The following RBM47 variants were observed in gnomAD, a reference collection of about 807,000 sequenced individuals.
RBM47 encodes RNA binding motif protein 47.
In RBM47, 21 loss-of-function variants were observed where a neutral mutation model predicts 47.1. The observed-to-expected ratio is 0.45, with a 90% CI of 0.32 to 0.64. The LOEUF is 0.64. Ranked by LOEUF, RBM47 falls within the 30% of genes least tolerant of loss-of-function variation. RBM47 has a pLI of 0.05. For synonymous variants in RBM47, 375 were observed against 361.7 expected, an observed-to-expected ratio of 1.04 and a Z score of -0.42; for missense variants, 708 against 870.9, an observed-to-expected ratio of 0.81 and a Z score of 2.35.
chr4:40,570,463 G>A (rs1731599718), intron 1 of RBM47, among the ~76,000 whole-genome samples: 2 of 151,844 alleles, frequency 1.3e-5, no homozygotes, highest in Admixed American at 6.6e-5. Context: ...ATCTAATGCT[G>A]CCACTGATCT....
At chr4:40,559,327 A>G (rs1294812072) in intron 1 of RBM47, among the ~76,000 whole-genome samples, 1 of 152,240 alleles carries the variant, frequency 6.6e-6, no homozygotes, top group Non-Finnish European at 1.5e-5. Context: ...ATTACAGGTG[A>G]CAAACACAGA....
chr4:40,430,232 A>AC (rs1386628370), intron 6 of RBM47, among the ~76,000 whole-genome samples: 7 of 119,020 alleles, frequency 5.9e-5, no homozygotes, highest in African/African-American at 1.7e-4. Flanking sequence ...AAACAAACAA[A>AC]AAAAGACAAA....
chr4:40,552,455 C>A (rs1368596819), intron 1 of RBM47, among the ~76,000 whole-genome samples: 1 of 152,008 alleles, frequency 6.6e-6, no homozygotes, highest in African/African-American at 2.4e-5. Context: ...AAAATGGGCT[C>A]TGTATTTCAA....
intron 1 of RBM47, among the ~76,000 whole-genome samples, chr4:40,557,475 G>A (rs1022812157): frequency 3.9e-5 from 6 of 152,142 alleles, no homozygotes; most frequent in African/African-American, 7.2e-5. Context: ...TTGGCTGGGC[G>A]CAGTGGCTCA....
chr4:40,492,912 C>G (rs947569422), intron 2 of RBM47, among the ~76,000 whole-genome samples: 1 of 152,148 alleles, frequency 6.6e-6, no homozygotes, highest in Admixed American at 6.5e-5. Flanking sequence ...CAGCAACTCC[C>G]CTGCATCTTC....
intron 3 of RBM47, among the ~76,000 whole-genome samples, chr4:40,452,621 C>G (rs757497042): frequency 6.6e-6 from 1 of 152,000 alleles, no homozygotes; most frequent in African/African-American, 2.4e-5. Context: ...CTTAGTCTAG[C>G]GTCCGCCAGG....
chr4:40,524,520 G>A (rs796596892), intron 2 of RBM47, among the ~76,000 whole-genome samples: 8 of 152,288 alleles, frequency 5.3e-5, no homozygotes, highest in Non-Finnish European at 7.3e-5. Context: ...CACAGCAACC[G>A]TGAAAACCAA....
chr4:40,431,623 G>A (rs4861001), intron 6 of RBM47, among the ~76,000 whole-genome samples: 102,806 of 149,270 alleles, frequency 0.69, 35,679 homozygotes, highest in East Asian at 0.9. Flanking sequence ...GCGCCACTGC[G>A]CTCCAGCCTG....
intron 5 of RBM47, among the ~76,000 whole-genome samples, chr4:40,436,130 C>G (rs936945051): frequency 6.6e-6 from 1 of 150,666 alleles, no homozygotes; most frequent in Middle Eastern, 3.2e-3. Context: ...CAAGATCATG[C>G]CACTGCACTC....
Position 40,578,813 on chromosome 4 carries a change from T to A in RBM47, c.-239-34307A>T, listed in dbSNP as rs188376050. Among the ~76,000 whole-genome samples, 261 of 152,302 alleles carry A rather than the reference T, an allele frequency of 1.7e-3. 2 individuals carry two copies. The highest frequency in any genetic ancestry group is 6.0e-3 in the African/African-American group (248 of 41,564). Reference sequence around the variant, plus strand: ...GTGCTTGGCACAATGCTACACACAGTAGGTGCTCAAAATGTGATAGCAAGC... The same window carrying A: ...GTGCTTGGCACAATGCTACACACAGAAGGTGCTCAAAATGTGATAGCAAGC... On this transcript the variant is annotated intron_variant, in intron 1 of 6. Coordinates refer to ENST00000295971, the MANE Select transcript of RBM47 (RefSeq NM_001098634.2).
chr4:40,432,192 C>T (rs1716234790), intron 6 of RBM47, among the ~76,000 whole-genome samples: 3 of 145,810 alleles, frequency 2.1e-5, no homozygotes, highest in Non-Finnish European at 4.4e-5. Flanking sequence ...CTTTCTCTCT[C>T]TCTCTCTCTT....
chr4:40,497,635 A>C (rs1486090738), intron 2 of RBM47, among the ~76,000 whole-genome samples: 1 of 151,734 alleles, frequency 6.6e-6, no homozygotes, highest in Admixed American at 6.6e-5. Context: ...TAAATAAATA[A>C]AAATAAAAAC....
At chr4:40,433,007 C>G (rs1226230475) in intron 5 of RBM47, 145 bp from the exon 6 acceptor site, 1 of 1,242,888 alleles carries the variant, frequency 8.0e-7, no homozygotes, top group Non-Finnish European at 1.1e-6. Flanking sequence ...GTGGCCCAGG[C>G]TGGAATGCAG....
At chr4:40,527,060 T>C (rs1726800131) in intron 2 of RBM47, among the ~76,000 whole-genome samples, 1 of 152,102 alleles carries the variant, frequency 6.6e-6, no homozygotes, top group African/African-American at 2.4e-5. Flanking sequence ...AATCTGGAAA[T>C]GCTAGGCTTA....
intron 3 of RBM47, among the ~76,000 whole-genome samples, chr4:40,451,267 C>A (rs1715402507): frequency 6.6e-6 from 1 of 151,316 alleles, no homozygotes; most frequent in Non-Finnish European, 1.5e-5. Context: ...GTAAGTGTCT[C>A]TGTGATACAA....
intron 3 of RBM47, among the ~76,000 whole-genome samples, chr4:40,462,604 C>T (rs981679107): frequency 2.6e-5 from 4 of 152,254 alleles, no homozygotes; most frequent in East Asian, 1.9e-4. Context: ...GTTCCCCAAA[C>T]GCTTGCTTTC....
At chr4:40,466,826 T>A (rs1347761598) in intron 2 of RBM47, 127 bp from the exon 3 acceptor site, 1 of 124,162 alleles carries the variant, frequency 8.1e-6, no homozygotes, top group Non-Finnish European at 1.7e-5. Context: ...AATTAGAAAC[T>A]GGGGGGCCAT....
chr4:40,516,315 C>A (rs1438065834), intron 2 of RBM47, among the ~76,000 whole-genome samples: 1 of 144,556 alleles, frequency 6.9e-6, no homozygotes, highest in Non-Finnish European at 1.5e-5. Flanking sequence ...GGCTGGAGTG[C>A]AGTGGCACAA....
At chr4:40,479,209 G>A (rs539877341) in intron 2 of RBM47, among the ~76,000 whole-genome samples, 21 of 152,186 alleles carry the variant, frequency 1.4e-4, no homozygotes, top group Non-Finnish European at 2.5e-4. Context: ...AGCATCAACA[G>A]TCACAGAGAA....
Sources: allele counts gnomAD v4.1 joint callset (sites outside exome capture counted in the v4.1 genomes callset), GRCh38; gene constraint gnomAD v4.1.1; transcripts MANE v1.5; gene names NCBI Gene and HGNC (gene_info 2026-07-23, HGNC 2026-07-21).